PRPF18: variants seen among roughly 807,000 people sequenced by gnomAD.
PRPF18 encodes the protein pre-mRNA-splicing factor 18.
Under a neutral mutation model 46.5 loss-of-function variants are expected in PRPF18, and 38 were observed. The observed-to-expected ratio is 0.82, with a 90% CI of 0.63 to 1.07. The LOEUF is 1.07. Among genes scored for constraint, PRPF18 ranks in the 50% least tolerant of loss-of-function variants. The pLI, the probability that PRPF18 is intolerant of heterozygous loss-of-function variation, is 0.00. For synonymous variants in PRPF18, 152 were observed against 146.7 expected (o/e 1.04, Z -0.26); for missense variants, 263 against 410.0 (o/e 0.64, Z 3.10).
At chr10:13,639,249 C>T in the PRPF18 span, 12 of 152,308 alleles carry the variant, frequency 7.9e-5, no homozygotes, top group African/African-American at 2.9e-4. Context: ...AGTTCTTCTG[C>T]CCTGTCATCA....
At chr10:13,609,470 G>A (rs1192524145) in intron 4 of PRPF18, among the ~76,000 whole-genome samples, 2 of 152,126 alleles carry the variant, frequency 1.3e-5, no homozygotes, top group South Asian at 2.1e-4. Flanking sequence ...CTTAAACCTT[G>A]CAGCTGATTC....
chr10:13,636,823 G>A, the PRPF18 span, among the ~76,000 whole-genome samples: 3 of 152,192 alleles, frequency 2.0e-5, no homozygotes, highest in Non-Finnish European at 4.4e-5. Flanking sequence ...CATACCATCA[G>A]TTGTACCCAT....
the PRPF18 span, chr10:13,652,023 G>A: frequency 1.0e-6 from 1 of 956,156 alleles, no homozygotes; most frequent in Non-Finnish European, 1.7e-6. Flanking sequence ...TCATGTTACA[G>A]AGAGACACTG....
At chr10:13,649,939 C>T in the PRPF18 span, among the ~76,000 whole-genome samples, 2 of 152,220 alleles carry the variant, frequency 1.3e-5, no homozygotes, top group East Asian at 1.9e-4. Flanking sequence ...TAGGTGTGCT[C>T]TCTCAACTGT....
chr10:13,612,273 G>A (rs1399610793), intron 6 of PRPF18, among the ~76,000 whole-genome samples: 1 of 151,930 alleles, frequency 6.6e-6, no homozygotes, highest in Non-Finnish European at 1.5e-5. Context: ...AGTTGGTAGA[G>A]TTGCTTATTT....
intron 9 of PRPF18, among the ~76,000 whole-genome samples, chr10:13,628,828 A>G (rs554993280): frequency 5.3e-5 from 8 of 152,288 alleles, no homozygotes; most frequent in Admixed American, 1.3e-4. Flanking sequence ...TGCACAGTGA[A>G]TAGGATTCAT....
chr10:13,615,845 G>A (rs2080331703), intron 8 of PRPF18, among the ~76,000 whole-genome samples: 2 of 152,114 alleles, frequency 1.3e-5, no homozygotes, highest in South Asian at 4.1e-4. Context: ...TCAGCTATTC[G>A]ACTGGAGGGC....
At chr10:13,595,007 A>G (rs888945493) in intron 1 of PRPF18, among the ~76,000 whole-genome samples, 2 of 152,222 alleles carry the variant, frequency 1.3e-5, no homozygotes, top group African/African-American at 4.8e-5. Context: ...AAATTATGCT[A>G]ATTATACTTC....
Position 13,593,493 on chromosome 10 carries a change from G to T in PRPF18, c.67-3965G>T, listed in dbSNP as rs544113519. Among the ~76,000 whole-genome samples the T allele has an allele frequency of 2.6e-4, 40 of 152,322 alleles. No individual in the cohort carries two copies. In the South Asian group the frequency reaches 2.9e-3, roughly 11 times the overall value. ...TGTGGGGCTGCAAAGAGAATTGGGGGTAAGGAAGTGGACACGGATTAGATT... is the reference window on the plus strand; with the variant it reads ...TGTGGGGCTGCAAAGAGAATTGGGGTTAAGGAAGTGGACACGGATTAGATT... On this transcript the variant is annotated intron_variant, in intron 1 of 9. Transcript: ENST00000378572.
chr10:13,598,116 G>C (rs1046560486), intron 2 of PRPF18, among the ~76,000 whole-genome samples: 5 of 152,142 alleles, frequency 3.3e-5, no homozygotes, highest in Admixed American at 6.5e-5. Flanking sequence ...TAGTCTGTTG[G>C]ATAGAAAATG....
intron 5 of PRPF18, among the ~76,000 whole-genome samples, chr10:13,610,478 AT>A (rs2080254872): frequency 6.6e-6 from 1 of 152,156 alleles, no homozygotes; most frequent in Non-Finnish European, 1.5e-5. Flanking sequence ...ATTTACATAA[AT>A]GATGTTATGC....
chr10:13,616,326 A>G, intron 8 of PRPF18, 72 bp from the exon 9 acceptor site: 1 of 1,449,282 alleles, frequency 6.9e-7, no homozygotes, highest in Non-Finnish European at 9.4e-7. Context: ...GGGCTGTGAA[A>G]TACTTTCAGT....
chr10:13,589,435 T>A (rs1358274672), intron 1 of PRPF18, among the ~76,000 whole-genome samples: 1 of 152,222 alleles, frequency 6.6e-6, no homozygotes, highest in Non-Finnish European at 1.5e-5. Context: ...TGGCCAAAGA[T>A]CAAGACTTAA....
chr10:13,626,183 C>T (rs973770950), intron 9 of PRPF18, among the ~76,000 whole-genome samples: 1 of 152,138 alleles, frequency 6.6e-6, no homozygotes, highest in Non-Finnish European at 1.5e-5. Context: ...CAGAGCAAGG[C>T]GAGAGGAATC....
chr10:13,609,172 T>C (rs1368407514), intron 4 of PRPF18, among the ~76,000 whole-genome samples: 1 of 152,230 alleles, frequency 6.6e-6, no homozygotes, highest in Non-Finnish European at 1.5e-5. Context: ...TGTTCAAAGC[T>C]CATCGTCCAT....
At chr10:13,622,361 T>G (rs1468180733) in intron 9 of PRPF18, among the ~76,000 whole-genome samples, 1 of 152,252 alleles carries the variant, frequency 6.6e-6, no homozygotes, top group Non-Finnish European at 1.5e-5. Flanking sequence ...GCCATGCTGC[T>G]TTCTAGCTGG....
At chr10:13,633,213 G>C (rs1382160063), downstream of PRPF18, among the ~76,000 whole-genome samples, 5 of 152,220 alleles carry the variant, frequency 3.3e-5, no homozygotes, top group African/African-American at 1.2e-4. Context: ...GGTCCTGAGA[G>C]ACCAGAGCTA....
downstream of PRPF18, chr10:13,631,761 C>T (rs1234853079): frequency 6.6e-6 from 1 of 152,238 alleles, no homozygotes; most frequent in Non-Finnish European, 1.5e-5. Context: ...GCTGTTCCTG[C>T]TTTCAGCCAC....
chr10:13,650,125 T>C, the PRPF18 span, among the ~76,000 whole-genome samples: 1 of 152,302 alleles, frequency 6.6e-6, no homozygotes, highest in East Asian at 1.9e-4. Flanking sequence ...AGATGGCAAA[T>C]TCACCCACAT....
Sources: allele counts gnomAD v4.1 joint callset (sites outside exome capture counted in the v4.1 genomes callset), GRCh38; gene constraint gnomAD v4.1.1; transcripts MANE v1.5; gene names NCBI Gene and HGNC (gene_info 2026-07-23, HGNC 2026-07-21).